SMC4: variants seen among roughly 807,000 people sequenced by gnomAD.
The protein encoded by SMC4 is structural maintenance of chromosomes 4.
In SMC4, 87 loss-of-function variants were observed where a neutral mutation model predicts 145.6. The ratio of observed to expected loss-of-function variants is 0.60; its 90% CI spans 0.50 to 0.71. SMC4 has a LOEUF of 0.71. Among genes scored for constraint, SMC4 ranks in the 30% least tolerant of loss-of-function variants. The pLI is 0.00. For missense variants in SMC4, 1,447 were observed against 1,537.1 expected, an observed-to-expected ratio of 0.94 and a Z score of 0.98; for synonymous variants, 558 against 500.7, an observed-to-expected ratio of 1.11 and a Z score of -1.53.
chr3:160,402,323 A>C (rs992841546), intron 3 of SMC4, among the ~76,000 whole-genome samples: 4 of 152,158 alleles, frequency 2.6e-5, no homozygotes, highest in Non-Finnish European at 5.9e-5. Flanking sequence ...TCTAGTTACA[A>C]AGTTTTCCAT....
At chr3:160,400,414 T>C (rs528255245) in intron 1 of SMC4, 2 of 155,762 alleles carry the variant, frequency 1.3e-5, no homozygotes, top group African/African-American at 4.8e-5. Flanking sequence ...TTTCTCCACG[T>C]CGGTGCGCGC....
intron 11 of SMC4, among the ~76,000 whole-genome samples, chr3:160,418,771 A>G (rs1041402668): frequency 6.6e-6 from 1 of 152,188 alleles, no homozygotes; most frequent in Non-Finnish European, 1.5e-5. Flanking sequence ...ACCAGTTAGA[A>G]AAGATGGCTG....
chr3:160,430,700 A>G lies in SMC4; in HGVS notation c.2897A>G (p.Glu966Gly). The G allele has an allele frequency of 6.2e-7, 1 of 1,613,704 alleles. No individual in the cohort carries two copies. Among genetic ancestry groups the G allele is most frequent in the Non-Finnish European group, 8.5e-7 (1 of 1,179,864 alleles). Residue 966 changes from glutamate (E) to glycine (G), a missense_variant, in exon 19 of 24, where the codon GAG becomes GGG. Transcript: ENST00000357388. ...DDLTAELKSL[E>G]DKAAEVVKNT... The stretch of plus-strand genomic sequence containing the variant: ...CTAACAGCAGAGCTGAAAAGTCTTG[A>G]GGACAAAGCAGCAGAGGTCGTAAAG...
At chr3:160,411,839 AT>A (rs1485856535) in intron 5 of SMC4, 80 bp from the exon 6 acceptor site, 2 of 1,183,106 alleles carry the variant, frequency 1.7e-6, no homozygotes, top group East Asian at 4.8e-5. Flanking sequence ...TGGCTTTATT[AT>A]TTAACTGCTC....
At chr3:160,428,702 ATGT>A (rs1718058379) in intron 17 of SMC4, 48 bp from the exon 18 acceptor site, 2 of 1,490,294 alleles carry the variant, frequency 1.3e-6, no homozygotes, top group Admixed American at 2.5e-5. Flanking sequence ...CTAACAAATG[ATGT>A]TCATTAGCAT....
intron 5 of SMC4, among the ~76,000 whole-genome samples, chr3:160,407,272 G>T (rs925242411): frequency 6.6e-6 from 1 of 152,184 alleles, no homozygotes; most frequent in African/African-American, 2.4e-5. Flanking sequence ...CACGAACCAG[G>T]CTGGGTGCAT....
intron 11 of SMC4, among the ~76,000 whole-genome samples, chr3:160,418,425 A>G (rs1231900652): frequency 1.3e-5 from 2 of 152,216 alleles, no homozygotes; most frequent in African/African-American, 4.8e-5. Flanking sequence ...TCCTTGAGTG[A>G]ATTAGATGTC....
rs560485080 is a variant in SMC4 at position 160,433,763 on chromosome 3, G to A, written c.3821G>A (p.Ser1274Asn). 6 of 1,602,656 alleles carry A rather than the reference G, an allele frequency of 3.7e-6. No individual in the cohort carries two copies. The South Asian group carries it at 5.7e-5, about 15-fold the overall frequency. The change falls in exon 24 of 24, where the codon AGT (serine) becomes AAT (asparagine). Residue 1274 changes from serine to asparagine, a missense_variant. Transcript: ENST00000357388. ...TACAAGACATACAACATAACAAAAA[G>A]TGTTGCTGTAAATCCAAAAGAAATT... ...GIYKTYNITK[S>N]VAVNPKEIAS... is the part of the protein sequence containing the mutation.
intron 13 of SMC4, among the ~76,000 whole-genome samples, chr3:160,421,314 G>C (rs1050340664): frequency 6.6e-6 from 1 of 152,044 alleles, no homozygotes; most frequent in African/African-American, 2.4e-5. Flanking sequence ...ACACCTGATG[G>C]GTTTTGACGA....
At chr3:160,431,266 G>T in intron 20 of SMC4, 61 bp downstream of exon 20, 1 of 1,418,918 alleles carries the variant, frequency 7.0e-7, no homozygotes, top group East Asian at 2.4e-5. Flanking sequence ...GGAGGGTTTG[G>T]GGAGGATTGT....
intron 5 of SMC4, among the ~76,000 whole-genome samples, chr3:160,408,312 C>T (rs955434750): frequency 6.6e-6 from 1 of 152,176 alleles, no homozygotes; most frequent in Non-Finnish European, 1.5e-5. Context: ...ATTCATTCCT[C>T]TTAGATTTCT....
At chr3:160,429,578 C>G (rs979004296) in intron 18 of SMC4, among the ~76,000 whole-genome samples, 2 of 151,978 alleles carry the variant, frequency 1.3e-5, no homozygotes, top group African/African-American at 2.4e-5. Context: ...AACTCCTGGG[C>G]TGAAGCAGTC....
At position 160,430,751 on chromosome 3, in the gene SMC4, T is replaced by C; in HGVS notation, c.2940+8T>C. 3 of 1,605,440 alleles carry C rather than the reference T, an allele frequency of 1.9e-6. No individual in the cohort carries two copies. ...AATACAAATGCTGCAGAGGTATGAGTTGCTTTGTATTGAAGAGGAGATGGG... is the reference window on the plus strand; with the variant it reads ...AATACAAATGCTGCAGAGGTATGAGCTGCTTTGTATTGAAGAGGAGATGGG... On this transcript the variant is annotated splice_region_variant and intron_variant, in intron 19 of 23. Coordinates refer to ENST00000357388, the MANE Select transcript of SMC4 (RefSeq NM_001002800.3).
rs1718674001 is a variant in SMC4 at position 160,433,680 on chromosome 3, CATA to C, written c.3744_3746del (p.Ile1249del). 2.7e-5 allele frequency: 42 copies of C among 1,574,628 alleles called. No homozygotes were observed. The highest frequency in any genetic ancestry group is 3.6e-5 in the Non-Finnish European group (42 of 1,159,426). ...AGGAACAAACAAAAAATGCACAGTT[CATA>C]ATAATTTCTCTTCGAAATAATATGT... On this transcript the variant is annotated inframe_deletion, in exon 24 of 24. Coordinates refer to ENST00000357388, the MANE Select transcript of SMC4 (RefSeq NM_001002800.3).
rs1485561819 is a variant in SMC4, at chr3:160,431,086, G to C, written c.2995G>C (p.Val999Leu). The change falls in exon 20 of 24, where the codon GTT becomes CTT. Residue 999 changes from valine (V) to leucine (L), a missense_variant. Coordinates refer to ENST00000357388, the MANE Select transcript of SMC4 (RefSeq NM_001002800.3). ...TCGCAATCTGCTTCAAGAATTAAAA[G>C]TTATTCAAGAAAATGAACATGCTCT... The part of the protein sequence containing the change: ...EHRNLLQELK[V>L]IQENEHALQK... The C allele has an allele frequency of 6.2e-7, 1 of 1,607,618 alleles. No individual in the cohort carries two copies. Among genetic ancestry groups the C allele is most frequent in the Non-Finnish European group, 8.5e-7 (1 of 1,178,302 alleles).
intron 23 of SMC4, 90 bp downstream of exon 23, chr3:160,433,299 C>A (rs13062761): frequency 1.1e-6 from 1 of 917,314 alleles, no homozygotes; most frequent in Non-Finnish European, 1.7e-6. Context: ...TACAATTGAG[C>A]TTTTTCTTTA....
Position 160,432,302 on chromosome 3 carries a change from G to T in SMC4, c.3317G>T (p.Arg1106Leu). 1 of 1,606,938 alleles carries T rather than the reference G, an allele frequency of 6.2e-7. No homozygotes were observed. The highest frequency in any genetic ancestry group is 1.1e-5 in the South Asian group (1 of 89,368). The part of the protein sequence containing the change: ...YKKKEELYLQ[R>L]VAELDKITYE... ...TCACAGGAAGAATTGTATTTGCAAC[G>T]GGTAGCAGAATTGGACAAAATTACT... The change falls in exon 22 of 24, where the codon CGG becomes CTG. Residue 1106 changes from arginine (R) to leucine (L), a missense_variant. Transcript: ENST00000357388.
chr3:160,423,025 T>C (rs1717352094), intron 13 of SMC4, among the ~76,000 whole-genome samples: 1 of 152,200 alleles, frequency 6.6e-6, no homozygotes, highest in South Asian at 2.1e-4. Flanking sequence ...GTCTTGATTA[T>C]TGCAGCATTG....
chr3:160,408,057 C>G (rs889693905), intron 5 of SMC4, among the ~76,000 whole-genome samples: 4 of 152,048 alleles, frequency 2.6e-5, no homozygotes, highest in Admixed American at 1.3e-4. Flanking sequence ...AAAAGATGAT[C>G]AAGATAAAAA....
Sources: gnomAD v4.1 joint callset for allele counts (sites outside exome capture counted in the v4.1 genomes callset) on GRCh38, gnomAD v4.1.1 for gene constraint, MANE v1.5 for transcripts, NCBI Gene and HGNC (gene_info 2026-07-23, HGNC 2026-07-21) for gene names.